Variants in AKAP19 observed in about 807,000 individuals in gnomAD.
AKAP19 encodes A-kinase anchoring protein 19.
chr2:189,984,280 C>A, the AKAP19 span, among the ~76,000 whole-genome samples: 2 of 152,104 alleles, frequency 1.3e-5, no homozygotes, highest in South Asian at 4.1e-4. Context: ...CACAGGTACA[C>A]CCTGGGGGGG....
At chr2:189,930,355 T>A in the AKAP19 span, 1 of 517,894 alleles carries the variant, frequency 1.9e-6, no homozygotes, top group Non-Finnish European at 3.2e-6. Context: ...CATAATACAG[T>A]CCAGGTGGTA....
At chr2:190,201,781 C>G in the AKAP19 span, 1 of 167,030 alleles carries the variant, frequency 6.0e-6, no homozygotes, top group East Asian at 1.9e-4. Context: ...AGAAAAACAA[C>G]CAAACCCATT....
chr2:190,010,812 T>C, the AKAP19 span, among the ~76,000 whole-genome samples: 1 of 152,182 alleles, frequency 6.6e-6, no homozygotes, highest in Non-Finnish European at 1.5e-5. Context: ...TAGATGTATA[T>C]AATGTGGAAT....
chr2:190,023,945 T>C, the AKAP19 span, among the ~76,000 whole-genome samples: 1 of 151,892 alleles, frequency 6.6e-6, no homozygotes, highest in Admixed American at 6.6e-5. Flanking sequence ...ACTGTTAAAA[T>C]TTCATCGAAG....
chr2:190,035,829 G>C, the AKAP19 span, among the ~76,000 whole-genome samples: 1 of 152,260 alleles, frequency 6.6e-6, no homozygotes, highest in Non-Finnish European at 1.5e-5. Context: ...TAGATAGTTA[G>C]GTTATTTCCT....
the AKAP19 span, among the ~76,000 whole-genome samples, chr2:190,108,068 A>T: frequency 6.6e-6 from 1 of 152,250 alleles, no homozygotes; most frequent in Admixed American, 6.5e-5. Flanking sequence ...CAAATTTTAC[A>T]TAAGGAAACT....
chr2:190,112,015 A>G, the AKAP19 span, among the ~76,000 whole-genome samples: 1 of 152,114 alleles, frequency 6.6e-6, no homozygotes, highest in African/African-American at 2.4e-5. Context: ...CTCCTGCCTC[A>G]GCCTCCTGAG....
At chr2:190,197,754 T>C in the AKAP19 span, among the ~76,000 whole-genome samples, 1 of 152,252 alleles carries the variant, frequency 6.6e-6, no homozygotes, top group Non-Finnish European at 1.5e-5. The surrounding 1 kb of genome is among the most constrained non-coding windows in gnomAD (Gnocchi z 4.0). Flanking sequence ...TGTCTGGTTT[T>C]AAAACTGGTT....
At chr2:190,024,328 GTATA>G in the AKAP19 span, among the ~76,000 whole-genome samples, 1 of 144,456 alleles carries the variant, frequency 6.9e-6, no homozygotes. Context: ...GTGTGTGTGT[GTATA>G]TATATATATG....
the AKAP19 span, among the ~76,000 whole-genome samples, chr2:190,072,420 T>TA: frequency 6.6e-6 from 1 of 151,638 alleles, no homozygotes; most frequent in East Asian, 1.9e-4. Context: ...AAAGTTGAAA[T>TA]AAAAAAAATA....
At chr2:189,893,507 C>T in the AKAP19 span, among the ~76,000 whole-genome samples, 38 of 152,316 alleles carry the variant, frequency 2.5e-4, no homozygotes, top group Non-Finnish European at 4.0e-4. Context: ...CCGGGTGAGG[C>T]GATGCCCTAC....
At chr2:190,091,117 T>C in the AKAP19 span, 1 of 152,224 alleles carries the variant, frequency 6.6e-6, no homozygotes, top group Non-Finnish European at 1.5e-5. Flanking sequence ...AATTTTACTG[T>C]TTACCAGTTG....
the AKAP19 span, among the ~76,000 whole-genome samples, chr2:189,898,324 TA>T: frequency 6.6e-6 from 1 of 152,200 alleles, no homozygotes; most frequent in African/African-American, 2.4e-5. Context: ...GCCCTTTGTA[TA>T]AACTCATGTA....
the AKAP19 span, among the ~76,000 whole-genome samples, chr2:189,956,394 C>A: frequency 5.3e-5 from 8 of 151,680 alleles, no homozygotes; most frequent in Middle Eastern, 0.01. Flanking sequence ...TGGTCTCGAT[C>A]TCCTGACCTC....
the AKAP19 span, among the ~76,000 whole-genome samples, chr2:189,999,264 A>G: frequency 6.6e-6 from 1 of 151,950 alleles, no homozygotes; most frequent in East Asian, 1.9e-4. Context: ...CATCATATAC[A>G]TTTTGGTGTG....
At chr2:189,938,323 G>A in the AKAP19 span, among the ~76,000 whole-genome samples, 5 of 146,232 alleles carry the variant, frequency 3.4e-5, no homozygotes, top group Admixed American at 2.1e-4. Context: ...GTGACAGAAC[G>A]AGACTCCATC....
At chr2:190,182,930 G>A in the AKAP19 span, among the ~76,000 whole-genome samples, 2 of 152,198 alleles carry the variant, frequency 1.3e-5, no homozygotes, top group Non-Finnish European at 2.9e-5. Context: ...ATGGTTTGCA[G>A]TTTGTTAGAT....
At chr2:190,039,560 G>C in the AKAP19 span, among the ~76,000 whole-genome samples, 1 of 151,884 alleles carries the variant, frequency 6.6e-6, no homozygotes, top group Non-Finnish European at 1.5e-5. Flanking sequence ...GCATGTAAAG[G>C]TTTGTTACAT....
At chr2:190,196,152 T>C in the AKAP19 span, among the ~76,000 whole-genome samples, 1 of 152,076 alleles carries the variant, frequency 6.6e-6, no homozygotes, top group Non-Finnish European at 1.5e-5. Context: ...CAACCCCCAA[T>C]GTTCTTCCTT....
Sources: allele counts gnomAD v4.1 joint callset (sites outside exome capture counted in the v4.1 genomes callset), GRCh38; gene constraint gnomAD v4.1.1; non-coding constraint Gnocchi (gnomAD v3.1); transcripts MANE v1.5; gene names NCBI Gene and HGNC (gene_info 2026-07-23, HGNC 2026-07-21).